Variants in DBNDD1 observed in about 807,000 individuals in gnomAD.
DBNDD1 encodes dysbindin domain containing 1, also known as dysbindin domain-containing protein 1.
Under a neutral mutation model 17.0 loss-of-function variants are expected in DBNDD1, and 14 were observed. The ratio of observed to expected loss-of-function variants is 0.82; its 90% CI spans 0.54 to 1.29. The LOEUF (loss-of-function observed/expected upper bound fraction) is 1.29. DBNDD1 is among the 50% of genes most tolerant of loss of function. DBNDD1 has a pLI of 0.00. For synonymous variants in DBNDD1, 105 were observed against 102.0 expected, an observed-to-expected ratio of 1.03 and a Z score of -0.18; for missense variants, 221 against 216.2, an observed-to-expected ratio of 1.02 and a Z score of -0.14.
chr16:90,011,555 C>T (rs1009110052), intron 1 of DBNDD1: 26 of 421,904 alleles, frequency 6.2e-5, no homozygotes, highest in Admixed American at 2.2e-4. Flanking sequence ...CCCCGTCGGC[C>T]GTGTGGTCAT....
intron 2 of DBNDD1, 97 bp downstream of exon 2, chr16:90,009,187 A>G (rs151003901): frequency 9.1e-6 from 14 of 1,534,150 alleles, no homozygotes; most frequent in African/African-American, 4.2e-5. Context: ...TAGACCCCCC[A>G]GGGAGTGTTT....
In DBNDD1 at chr16:90,006,251, G is replaced by A. The variant is rs529770360; in HGVS notation, c.*84C>T. 40 of 1,485,972 alleles carry A rather than the reference G, an allele frequency of 2.7e-5. 1 individual carries two copies. In the East Asian group the frequency reaches 9.5e-4, roughly 35 times the overall value. The allele number at this position is 1,485,972 out of a possible 1,614,324, so 92.0% of individuals were successfully genotyped here. ...GGCTGGAGCCTCGTGGGCGGGTGAA[G>A]TGTGTCTGCTGGGTCAGCACTGCCC... is the stretch of plus-strand genomic sequence containing the variant. On this transcript the variant is annotated 3_prime_UTR_variant, in exon 4 of 4. Transcript: ENST00000002501.
In DBNDD1 at chr16:90,009,446, C is replaced by G. The variant is rs765396980; in HGVS notation, c.32-16G>C. The G allele has an allele frequency of 6.2e-7, 1 of 1,608,374 alleles. No individual in the cohort carries two copies. The highest frequency in any genetic ancestry group is 8.5e-7 in the Non-Finnish European group (1 of 1,179,936). The stretch of plus-strand genomic sequence containing the variant: ...TTAACGATCTCTGCATCCAAAGACA[C>G]AGTGTCACCTTGAGATCCACAGGGC... On this transcript the variant is annotated splice_polypyrimidine_tract_variant and intron_variant, in intron 1 of 3. Coordinates refer to ENST00000002501, the MANE Select transcript of DBNDD1 (RefSeq NM_001042610.3).
Position 90,019,368 on chromosome 16 carries a change from C to A in DBNDD1, c.-27G>T. 8.4e-7 allele frequency: 1 copy of A among 1,190,848 alleles called. No individual in the cohort carries two copies. The highest frequency in any genetic ancestry group is 1.0e-6 in the Non-Finnish European group (1 of 960,574). The allele number at this position is 1,190,848 out of a possible 1,614,324, so 73.8% of individuals were successfully genotyped here. A position where few individuals can be genotyped will look rare whatever the true frequency, so the allele number is the denominator to read the frequency against. ...CGGCCGGTGCGGTCTGGGAGGGGCA[C>A]GGGCGACGGCGGCGTCGCCTGGCCC... On this transcript the variant is annotated 5_prime_UTR_variant, in exon 1 of 4. Coordinates refer to ENST00000002501, the MANE Select transcript of DBNDD1 (RefSeq NM_001042610.3). This position sits in a 1 kb window ranked among gnomAD's most constrained non-coding sequence, Gnocchi z 6.1.
At chr16:90,012,878 GTA>G (rs2035578385) in intron 1 of DBNDD1, among the ~76,000 whole-genome samples, 3 of 152,002 alleles carry the variant, frequency 2.0e-5, no homozygotes, top group Admixed American at 2.0e-4. Flanking sequence ...AGCCTCCTGA[GTA>G]GCTGGGACCA....
At chr16:90,010,511 G>C (rs1390420918) in intron 1 of DBNDD1, among the ~76,000 whole-genome samples, 10 of 149,858 alleles carry the variant, frequency 6.7e-5, no homozygotes, top group Non-Finnish European at 1.3e-4. Flanking sequence ...GGGACTACAG[G>C]TGCCCGCCAC....
rs1378700224 is a variant in DBNDD1 at position 90,006,104 on chromosome 16, C to T, written c.*231G>A. 1.7e-6 allele frequency: 1 copy of T among 585,458 alleles called. No homozygotes were observed. The highest frequency in any genetic ancestry group is 2.9e-6 in the Non-Finnish European group (1 of 347,822). 36.3% of individuals were successfully genotyped at this position (585,458 alleles called of 1,614,324 possible). The stretch of plus-strand genomic sequence containing the variant: ...TGGGGCTCCCAGAGGCATCCGGGGG[C>T]CCCGTGTGTCCCCCAGGAAAGCCGG... On this transcript the variant is annotated 3_prime_UTR_variant, in exon 4 of 4. Coordinates refer to ENST00000002501, the MANE Select transcript of DBNDD1 (RefSeq NM_001042610.3).
At chr16:90,011,571 G>A (rs2035555363) in intron 1 of DBNDD1, 2 of 438,496 alleles carry the variant, frequency 4.6e-6, no homozygotes, top group African/African-American at 2.0e-5. Flanking sequence ...GTCATTCTGT[G>A]TGGCCCACCT....
upstream of DBNDD1, chr16:90,019,565 C>T: frequency 5.6e-6 from 1 of 179,076 alleles, no homozygotes. The surrounding 1 kb of genome is among the most constrained non-coding windows in gnomAD (Gnocchi z 6.1). Flanking sequence ...AGGACAGGTG[C>T]GGCCCCGCCC....
intron 2 of DBNDD1, 175 bp downstream of exon 2, chr16:90,009,109 C>A: frequency 8.1e-7 from 1 of 1,229,106 alleles, no homozygotes; most frequent in African/African-American, 1.5e-5. Context: ...AAGGCTTTCA[C>A]TTGACAGATG....
At chr16:90,008,406 G>T (rs2035477409) in intron 3 of DBNDD1, among the ~76,000 whole-genome samples, 1 of 70,892 alleles carries the variant, frequency 1.4e-5, no homozygotes, top group Non-Finnish European at 2.7e-5. Flanking sequence ...ACGTCCCAAG[G>T]GGCCTCAGCC....
chr16:90,016,783 C>T (rs1224765656), intron 1 of DBNDD1, among the ~76,000 whole-genome samples: 1 of 152,288 alleles, frequency 6.6e-6, no homozygotes, highest in African/African-American at 2.4e-5. Flanking sequence ...CCCAGGGCCC[C>T]GTCCAGAGCA....
Position 90,009,416 on chromosome 16 carries a change from C to A in DBNDD1, c.46G>T (p.Ala16Ser). Residue 16 changes from alanine (A) to serine (S), a missense_variant, in exon 2 of 4, where the codon GCT (alanine) becomes TCT (serine). Transcript: ENST00000002501. ...CCCAGCGCAGCCTGCGGCACCTCAG[C>A]CTCCTTAACGATCTCTGCATCCAAA... Reference protein sequence around the residue: ...GAGTGEIVKEAEVPQAALGVP... With the variant: ...GAGTGEIVKESEVPQAALGVP... The A allele has an allele frequency of 6.2e-7, 1 of 1,611,902 alleles. No individual in the cohort carries two copies. The highest frequency in any genetic ancestry group is 1.1e-5 in the South Asian group (1 of 91,090).
At chr16:90,012,910 A>AT (rs1271966984) in intron 1 of DBNDD1, among the ~76,000 whole-genome samples, 1 of 151,126 alleles carries the variant, frequency 6.6e-6, no homozygotes, top group Non-Finnish European at 1.5e-5. Flanking sequence ...GCTAATTAAA[A>AT]TTTTTTTGGT....
At chr16:90,016,734 A>G (rs1173851191) in intron 1 of DBNDD1, among the ~76,000 whole-genome samples, 1 of 152,152 alleles carries the variant, frequency 6.6e-6, no homozygotes, top group East Asian at 1.9e-4. Context: ...CACATTCTCG[A>G]CTGGGAAACT....
Position 90,019,401 on chromosome 16 carries a change from C to T in DBNDD1, c.-60G>A, listed in dbSNP as rs2035726789. The T allele has an allele frequency of 5.4e-6, 6 of 1,117,044 alleles. No individual in the cohort carries two copies. Among genetic ancestry groups the T allele is most frequent in the Non-Finnish European group, 6.7e-6 (6 of 895,162 alleles). The allele number at this position is 1,117,044 out of a possible 1,614,324, so 69.2% of individuals were successfully genotyped here. On this transcript the variant is annotated 5_prime_UTR_variant, in exon 1 of 4. Coordinates refer to ENST00000002501, the MANE Select transcript of DBNDD1 (RefSeq NM_001042610.3). This position sits in a 1 kb window ranked among gnomAD's most constrained non-coding sequence, Gnocchi z 6.1. ...GGCGGCGTCGCCTGGCCCGGGCGCC[C>T]CAACAGCTGCGGCAGCGACTCGGCC...
chr16:90,018,118 G>A (rs1360899968), intron 1 of DBNDD1, among the ~76,000 whole-genome samples: 1 of 152,216 alleles, frequency 6.6e-6, no homozygotes, highest in Non-Finnish European at 1.5e-5. Flanking sequence ...GCTCACAGGG[G>A]CCTGACTGCC....
chr16:90,005,613 C>G lies in DBNDD1; in HGVS notation c.*722G>C, dbSNP rs2035407580. On this transcript the variant is annotated 3_prime_UTR_variant, in exon 4 of 4. Coordinates refer to ENST00000002501, the MANE Select transcript of DBNDD1 (RefSeq NM_001042610.3). ...CATTCCGGGAGGTGTCATCAAGTCT[C>G]TTAGGCAGTCTGGTGATATTTGGTG... 1 of 152,318 alleles carries G rather than the reference C, an allele frequency of 6.6e-6. No individual in the cohort carries two copies. The highest frequency in any genetic ancestry group is 2.1e-4 in the South Asian group (1 of 4,824). 9.4% of individuals were successfully genotyped at this position (152,318 alleles called of 1,614,324 possible).
intron 1 of DBNDD1, among the ~76,000 whole-genome samples, chr16:90,016,250 T>C (rs2035640569): frequency 6.6e-6 from 1 of 152,124 alleles, no homozygotes; most frequent in Non-Finnish European, 1.5e-5. Flanking sequence ...AGTAAACAAA[T>C]GAGGGTGAAT....
Sources: allele counts gnomAD v4.1 joint callset (sites outside exome capture counted in the v4.1 genomes callset), GRCh38; gene constraint gnomAD v4.1.1; non-coding constraint Gnocchi (gnomAD v3.1); transcripts MANE v1.5; gene names NCBI Gene and HGNC (gene_info 2026-07-23, HGNC 2026-07-21).